The following FHIT variants were observed in gnomAD, a reference collection of about 807,000 sequenced individuals.
The protein encoded by FHIT is fragile histidine triad diadenosine triphosphatase, also known as bis(5'-adenosyl)-triphosphatase.
In FHIT, 19 loss-of-function variants were observed where a neutral mutation model predicts 17.9. The observed-to-expected ratio is 1.06, with a 90% CI of 0.74 to 1.56. The LOEUF (loss-of-function observed/expected upper bound fraction) is 1.56. Ranked by LOEUF, FHIT falls within the 40% of genes most tolerant of loss-of-function variation. The pLI, the probability that FHIT is intolerant of heterozygous loss-of-function variation, is 0.00. For synonymous variants in FHIT, 81 were observed against 69.7 expected, an observed-to-expected ratio of 1.16 and a Z score of -0.81; for missense variants, 248 against 189.2, an observed-to-expected ratio of 1.31 and a Z score of -1.82.
chr3:60,505,822 C>T (rs865899032), intron 5 of FHIT, among the ~76,000 whole-genome samples: 15 of 152,294 alleles, frequency 9.8e-5, no homozygotes, highest in Admixed American at 3.3e-4. Flanking sequence ...TTTCATCCAA[C>T]GGACAAAACC....
intron 4 of FHIT, among the ~76,000 whole-genome samples, chr3:60,784,566 C>A (rs527297056): frequency 7.2e-5 from 11 of 152,234 alleles, no homozygotes; most frequent in African/African-American, 2.6e-4. Flanking sequence ...GAATGCCTGG[C>A]CTCAAATGAT....
chr3:60,574,454 G>A (rs1368444211), intron 4 of FHIT, among the ~76,000 whole-genome samples: 1 of 151,252 alleles, frequency 6.6e-6, no homozygotes, highest in Non-Finnish European at 1.5e-5. Context: ...TTAAATCAGT[G>A]TGGTACCTGG....
At chr3:60,716,372 T>C (rs1209274958) in intron 4 of FHIT, among the ~76,000 whole-genome samples, 1 of 152,176 alleles carries the variant, frequency 6.6e-6, no homozygotes, top group Non-Finnish European at 1.5e-5. Context: ...AGCTTTTTTA[T>C]ATTTTTAAAT....
At chr3:61,213,757 T>C (rs1322364789) in intron 1 of FHIT, among the ~76,000 whole-genome samples, 2 of 152,196 alleles carry the variant, frequency 1.3e-5, no homozygotes, top group Non-Finnish European at 2.9e-5. Context: ...TAGTTGGAAG[T>C]AAAGCTCTCC....
chr3:60,464,682 T>C (rs1002282000), intron 5 of FHIT, among the ~76,000 whole-genome samples: 1 of 152,152 alleles, frequency 6.6e-6, no homozygotes, highest in Non-Finnish European at 1.5e-5. Context: ...TTGTTGCAAA[T>C]GACAAGATAT....
intron 4 of FHIT, among the ~76,000 whole-genome samples, chr3:60,743,377 A>C (rs148316109): frequency 5.9e-5 from 9 of 152,316 alleles, no homozygotes; most frequent in Admixed American, 5.9e-4. Context: ...ATAGATGTTG[A>C]ACTGCTATTA....
intron 1 of FHIT, among the ~76,000 whole-genome samples, chr3:61,210,730 A>G (rs932543463): frequency 1.3e-5 from 2 of 151,952 alleles, no homozygotes; most frequent in African/African-American, 4.8e-5. Flanking sequence ...TAGGAAAGGG[A>G]ATTCACTGAC....
chr3:61,202,251 G>T (rs1169406535), intron 1 of FHIT, among the ~76,000 whole-genome samples: 1 of 151,348 alleles, frequency 6.6e-6, no homozygotes, highest in Non-Finnish European at 1.5e-5. Context: ...CTGCCCGGCC[G>T]CCCAACTATC....
chr3:60,356,239 C>A (rs755090467), intron 5 of FHIT, among the ~76,000 whole-genome samples: 2 of 152,170 alleles, frequency 1.3e-5, no homozygotes, highest in Non-Finnish European at 2.9e-5. Flanking sequence ...CCGAGCAGAG[C>A]CTTCTGAAAC....
At chr3:60,509,300 T>C (rs2034855334) in intron 5 of FHIT, among the ~76,000 whole-genome samples, 1 of 152,168 alleles carries the variant, frequency 6.6e-6, no homozygotes, top group Admixed American at 6.5e-5. Context: ...CTTCTATTAT[T>C]TCTGAGGCCT....
chr3:59,927,662 G>A (rs1222353037), intron 7 of FHIT, among the ~76,000 whole-genome samples: 9 of 152,116 alleles, frequency 5.9e-5, no homozygotes, highest in Non-Finnish European at 1.0e-4. Context: ...CCAGGTACTC[G>A]GGAGGCTGAT....
intron 7 of FHIT, among the ~76,000 whole-genome samples, chr3:59,968,356 G>A (rs775979439): frequency 6.6e-6 from 1 of 151,750 alleles, no homozygotes; most frequent in Non-Finnish European, 1.5e-5. Flanking sequence ...AAACCTATAT[G>A]AACTTTAAGG....
chr3:60,986,912 T>C (rs549824117), intron 3 of FHIT, among the ~76,000 whole-genome samples: 2 of 152,354 alleles, frequency 1.3e-5, no homozygotes, highest in South Asian at 4.1e-4. Context: ...GTAGCATACA[T>C]ACACTTTATA....
chr3:61,001,927 G>A (rs2031112459), intron 3 of FHIT, among the ~76,000 whole-genome samples: 2 of 151,526 alleles, frequency 1.3e-5, no homozygotes, highest in South Asian at 4.1e-4. Context: ...GGGGAAAACT[G>A]GAAAAAGGGT....
intron 7 of FHIT, among the ~76,000 whole-genome samples, chr3:59,984,824 G>T (rs1207767485): frequency 6.6e-6 from 1 of 152,068 alleles, no homozygotes; most frequent in Non-Finnish European, 1.5e-5. Context: ...ACTGGGCGGG[G>T]CAGGGGCAGA....
chr3:60,943,251 G>A (rs1232080432), intron 3 of FHIT, among the ~76,000 whole-genome samples: 1 of 152,050 alleles, frequency 6.6e-6, no homozygotes, highest in Admixed American at 6.5e-5. Context: ...ACTTCTTGGT[G>A]ACTGTGTCAA....
At chr3:60,369,236 T>C (rs1477127006) in intron 5 of FHIT, among the ~76,000 whole-genome samples, 1 of 152,160 alleles carries the variant, frequency 6.6e-6, no homozygotes, top group Non-Finnish European at 1.5e-5. Context: ...CCTCACACAG[T>C]GCTGGAATTA....
Position 60,767,423 on chromosome 3 carries a change from C to T in FHIT, c.-18+54496G>A, listed in dbSNP as rs188184792. Among the ~76,000 whole-genome samples, 54 of 152,206 alleles carry T rather than the reference C, an allele frequency of 3.5e-4. 1 individual carries two copies. In the East Asian group the frequency reaches 5.8e-3, roughly 16 times the overall value. On this transcript the variant is annotated intron_variant, in intron 4 of 9. Coordinates refer to ENST00000492590, the MANE Select transcript of FHIT (RefSeq NM_002012.4). Reference sequence around the variant, plus strand: ...TTCTATGAAGTAGGAACTTATATTTCCCATTTTCCTCCATAAAGAAATCAA... The same window carrying T: ...TTCTATGAAGTAGGAACTTATATTTTCCATTTTCCTCCATAAAGAAATCAA...
At chr3:60,177,979 T>C (rs779603430) in intron 5 of FHIT, among the ~76,000 whole-genome samples, 3 of 152,172 alleles carry the variant, frequency 2.0e-5, no homozygotes, top group African/African-American at 7.2e-5. Context: ...ATAGTGTGAC[T>C]CAATGCTGAG....
Sources: gnomAD v4.1 joint callset for allele counts (sites outside exome capture counted in the v4.1 genomes callset) on GRCh38, gnomAD v4.1.1 for gene constraint, MANE v1.5 for transcripts, NCBI Gene and HGNC (gene_info 2026-07-23, HGNC 2026-07-21) for gene names.